Variants in DOK6 observed in about 807,000 individuals in gnomAD.
DOK6 encodes docking protein 6, also known as downstream of tyrosine kinase 6.
In DOK6, 22 loss-of-function variants were observed where a neutral mutation model predicts 44.0. That is an observed-to-expected ratio of 0.50 (90% confidence interval 0.36 to 0.71). DOK6 has a LOEUF of 0.71. DOK6 is among the 30% of genes least tolerant of loss of function. The probability of loss-of-function intolerance (pLI) is 0.00; values close to 1 mark genes in which losing one functional copy is unlikely to be tolerated. For synonymous variants in DOK6, 166 were observed against 145.5 expected (o/e 1.14, Z -1.01); for missense variants, 340 against 416.4 (o/e 0.82, Z 1.60).
At chr18:69,838,809 C>T (rs1403375108) in intron 7 of DOK6, among the ~76,000 whole-genome samples, 11 of 148,642 alleles carry the variant, frequency 7.4e-5, no homozygotes, top group Admixed American at 7.3e-4. Context: ...TTCCCTAATC[C>T]CTTCCCTAGC....
chr18:69,494,490 CAAAA>C (rs1290189224), intron 1 of DOK6, among the ~76,000 whole-genome samples: 4 of 132,462 alleles, frequency 3.0e-5, no homozygotes, highest in African/African-American at 5.7e-5. Context: ...AACAAACAAA[CAAAA>C]AAAAAGTTTT....
intron 1 of DOK6, among the ~76,000 whole-genome samples, chr18:69,514,095 AT>A (rs986612415): frequency 1.3e-5 from 2 of 151,972 alleles, no homozygotes; most frequent in Admixed American, 6.6e-5. Context: ...TTTCATTTAG[AT>A]TTTTTCTCTT....
chr18:69,741,649 A>G (rs1021796222), intron 6 of DOK6, among the ~76,000 whole-genome samples: 1 of 151,998 alleles, frequency 6.6e-6, no homozygotes, highest in Non-Finnish European at 1.5e-5. Context: ...GGCCTGCACC[A>G]CTATTCCTAG....
intron 7 of DOK6, among the ~76,000 whole-genome samples, chr18:69,798,399 G>C (rs571966056): frequency 6.6e-6 from 1 of 152,058 alleles, no homozygotes. Context: ...AGTTACAAAC[G>C]CTGAAGATAA....
chr18:69,603,313 C>G (rs773204567), intron 3 of DOK6, among the ~76,000 whole-genome samples: 1 of 151,606 alleles, frequency 6.6e-6, no homozygotes, highest in Non-Finnish European at 1.5e-5. Flanking sequence ...GCGCAAAAAC[C>G]TACCCTTGTA....
At chr18:69,575,005 T>C (rs978064208) in intron 2 of DOK6, among the ~76,000 whole-genome samples, 3 of 152,104 alleles carry the variant, frequency 2.0e-5, no homozygotes, top group Non-Finnish European at 2.9e-5. Context: ...AATTACTTAA[T>C]GGATACAGTG....
intron 1 of DOK6, among the ~76,000 whole-genome samples, chr18:69,408,589 G>C (rs968975609): frequency 2.6e-5 from 4 of 152,102 alleles, no homozygotes; most frequent in Non-Finnish European, 5.9e-5. Context: ...CTTTATAAAA[G>C]ATTATGTTTA....
intron 1 of DOK6, among the ~76,000 whole-genome samples, chr18:69,406,208 A>G (rs1024977196): frequency 3.3e-5 from 5 of 152,200 alleles, no homozygotes; most frequent in Admixed American, 1.3e-4. Flanking sequence ...AAGATCTTAT[A>G]TATCTTCTAC....
intron 6 of DOK6, among the ~76,000 whole-genome samples, chr18:69,752,167 GATAAAT>G (rs1431679914): frequency 7.7e-5 from 11 of 142,988 alleles, no homozygotes; most frequent in Middle Eastern, 3.4e-3. Flanking sequence ...CTCTCTAAAA[GATAAAT>G]ATAAAAATAT....
chr18:69,533,234 A>G (rs550777382), intron 1 of DOK6, among the ~76,000 whole-genome samples: 1 of 148,318 alleles, frequency 6.7e-6, no homozygotes, highest in African/African-American at 2.4e-5. Flanking sequence ...TTCAAGCTGA[A>G]TTCATGTATA....
chr18:69,716,692 C>CAA (rs11351701), intron 5 of DOK6, among the ~76,000 whole-genome samples: 7,766 of 104,616 alleles, frequency 0.074, 326 homozygotes, highest in Middle Eastern at 0.094. Flanking sequence ...GCAGAATTGA[C>CAA]AAAAAAAAAA....
At chr18:69,660,621 A>T (rs1261050603) in intron 3 of DOK6, 1 of 151,936 alleles carries the variant, frequency 6.6e-6, no homozygotes, top group Non-Finnish European at 1.5e-5. Context: ...TCAAGGAGCA[A>T]TGCATTCCTT....
intron 3 of DOK6, among the ~76,000 whole-genome samples, chr18:69,634,428 C>A (rs891302935): frequency 2.0e-5 from 3 of 152,230 alleles, no homozygotes; most frequent in Admixed American, 2.0e-4. Flanking sequence ...TGTCAAGATA[C>A]TTGAATTTTA....
chr18:69,667,325 C>G lies in DOK6; in HGVS notation c.290-10409C>G, dbSNP rs1434092217. ...CTAAAAAAAATTACAAAATAAATAA[C>G]TTCTAGATTGAGTTGTCTATTATTT... On this transcript the variant is annotated intron_variant, in intron 3 of 7. Transcript: ENST00000382713. Among the ~76,000 whole-genome samples the G allele has an allele frequency of 3.9e-5, 6 of 152,244 alleles. No homozygotes were observed. In the East Asian group the frequency reaches 1.2e-3, roughly 29 times the overall value.
rs116325981 is a variant in DOK6, at chr18:69,715,116, G to A, written c.599+16523G>A. 3.7e-3 allele frequency among the ~76,000 whole-genome samples: 557 copies of A among 152,236 alleles called. 6 individuals are homozygous for A. The highest frequency in any genetic ancestry group is 0.013 in the African/African-American group (540 of 41,550). ...CCATGTAAGGAAGTGCTTTGAACAA[G>A]AATATAAAATCTACAAGACAAATCG... On this transcript the variant is annotated intron_variant, in intron 5 of 7. Coordinates refer to ENST00000382713, the MANE Select transcript of DOK6 (RefSeq NM_152721.6).
intron 7 of DOK6, among the ~76,000 whole-genome samples, chr18:69,799,625 A>T (rs1356527360): frequency 6.6e-6 from 1 of 152,114 alleles, no homozygotes; most frequent in Non-Finnish European, 1.5e-5. Context: ...TATAAAGAAA[A>T]CTACTTCCAC....
At chr18:69,435,864 T>C (rs1165455531) in intron 1 of DOK6, among the ~76,000 whole-genome samples, 2 of 152,158 alleles carry the variant, frequency 1.3e-5, no homozygotes, top group Non-Finnish European at 2.9e-5. Context: ...AGTGTTTCTC[T>C]TGGCTCATAT....
chr18:69,826,998 T>C (rs1005835136), intron 7 of DOK6, among the ~76,000 whole-genome samples: 17 of 152,136 alleles, frequency 1.1e-4, no homozygotes, highest in Admixed American at 3.9e-4. Flanking sequence ...ACCAGAAGCT[T>C]CTTTTTAATC....
chr18:69,751,335 A>G (rs1367989445), intron 6 of DOK6, among the ~76,000 whole-genome samples: 2 of 55,156 alleles, frequency 3.6e-5, no homozygotes, highest in Non-Finnish European at 1.4e-4. Context: ...CATAAATTAT[A>G]ATATGTGCCC....
Sources: allele counts gnomAD v4.1 joint callset (sites outside exome capture counted in the v4.1 genomes callset), GRCh38; gene constraint gnomAD v4.1.1; transcripts MANE v1.5; gene names NCBI Gene and HGNC (gene_info 2026-07-23, HGNC 2026-07-21).